Variants in XKR9 observed in about 807,000 individuals in gnomAD.
XKR9 encodes the protein XK-related protein 9.
Under a neutral mutation model 32.0 loss-of-function variants are expected in XKR9, and 32 were observed. The observed-to-expected ratio is 1.00, with a 90% confidence interval of 0.76 to 1.34. The LOEUF (loss-of-function observed/expected upper bound fraction) is 1.34. XKR9 is among the 40% of genes most tolerant of loss of function. The pLI, the probability that XKR9 is intolerant of heterozygous loss-of-function variation, is 0.00. For synonymous variants in XKR9, 168 were observed against 143.4 expected (o/e 1.17, Z -1.22); for missense variants, 546 against 429.7 (o/e 1.27, Z -2.39).
the XKR9 span, among the ~76,000 whole-genome samples, chr8:70,886,512 TAA>T: frequency 6.6e-6 from 1 of 152,256 alleles, no homozygotes; most frequent in African/African-American, 2.4e-5. Flanking sequence ...ACCAACAGTG[TAA>T]AAGAGTTCCT....
At chr8:71,065,269 G>T in the XKR9 span, among the ~76,000 whole-genome samples, 1 of 152,126 alleles carries the variant, frequency 6.6e-6, no homozygotes, top group Non-Finnish European at 1.5e-5. Context: ...GGTTAAGTGA[G>T]GTAAGAGTGG....
the XKR9 span, among the ~76,000 whole-genome samples, chr8:70,867,290 A>G: frequency 2.0e-5 from 3 of 152,084 alleles, no homozygotes; most frequent in African/African-American, 4.8e-5. Flanking sequence ...TAATTAAATT[A>G]CCTCCCACCA....
chr8:70,957,350 T>A, the XKR9 span, among the ~76,000 whole-genome samples: 13 of 152,318 alleles, frequency 8.5e-5, no homozygotes, highest in East Asian at 2.3e-3. Context: ...AGCATGAACT[T>A]CAGAGGCAGT....
At chr8:70,945,911 C>T in the XKR9 span, among the ~76,000 whole-genome samples, 2 of 152,114 alleles carry the variant, frequency 1.3e-5, no homozygotes, top group African/African-American at 4.8e-5. Flanking sequence ...CCGAGGTGGA[C>T]GGATCACGAT....
chr8:70,709,352 A>G (rs1586841760), intron 4 of XKR9, among the ~76,000 whole-genome samples: 1 of 152,312 alleles, frequency 6.6e-6, no homozygotes, highest in Admixed American at 6.5e-5. Context: ...CATACTGAGA[A>G]TGGGCAAAAG....
the XKR9 span, among the ~76,000 whole-genome samples, chr8:70,922,150 C>G: frequency 6.6e-6 from 1 of 152,176 alleles, no homozygotes; most frequent in African/African-American, 2.4e-5. Flanking sequence ...TGAGGAATAA[C>G]CACATCCTAC....
chr8:70,870,805 C>A, the XKR9 span, among the ~76,000 whole-genome samples: 1 of 152,148 alleles, frequency 6.6e-6, no homozygotes, highest in Non-Finnish European at 1.5e-5. Flanking sequence ...AGCTCATATT[C>A]ATTGAAGTGT....
chr8:70,885,400 A>G, the XKR9 span, among the ~76,000 whole-genome samples: 1 of 152,178 alleles, frequency 6.6e-6, no homozygotes, highest in Admixed American at 6.5e-5. Context: ...ATGTCAATAT[A>G]CATTTTTTTA....
At chr8:71,033,101 A>G in the XKR9 span, among the ~76,000 whole-genome samples, 2 of 151,922 alleles carry the variant, frequency 1.3e-5, no homozygotes, top group African/African-American at 2.4e-5. Context: ...AAAAAAATCA[A>G]TAAACACAGG....
intron 2 of XKR9, among the ~76,000 whole-genome samples, chr8:70,774,570 T>C (rs1807494800): frequency 6.6e-6 from 1 of 152,124 alleles, no homozygotes; most frequent in Non-Finnish European, 1.5e-5. Context: ...ATTTGGGGTG[T>C]TCTTTTTGTG....
At chr8:70,909,703 CTTTTT>C in the XKR9 span, among the ~76,000 whole-genome samples, 142 of 91,206 alleles carry the variant, frequency 1.6e-3, 1 homozygote, top group Non-Finnish European at 2.8e-3. Context: ...TCGATTTATC[CTTTTT>C]TTTTTTTTTT....
At chr8:70,883,638 A>T in the XKR9 span, among the ~76,000 whole-genome samples, 1 of 152,180 alleles carries the variant, frequency 6.6e-6, no homozygotes, top group Non-Finnish European at 1.5e-5. Flanking sequence ...ATTATACATT[A>T]TGTAGCCTTT....
the XKR9 span, among the ~76,000 whole-genome samples, chr8:70,948,604 CTT>C: frequency 6.6e-6 from 1 of 152,168 alleles, no homozygotes; most frequent in African/African-American, 2.4e-5. Context: ...AATACCCACT[CTT>C]TGTCTACCGT....
chr8:71,025,528 T>A, the XKR9 span, among the ~76,000 whole-genome samples: 1 of 152,240 alleles, frequency 6.6e-6, no homozygotes, highest in African/African-American at 2.4e-5. Context: ...AAACGCCATT[T>A]AAGCTACTAC....
At chr8:70,760,398 T>A (rs1311627003) in intron 2 of XKR9, among the ~76,000 whole-genome samples, 1 of 152,216 alleles carries the variant, frequency 6.6e-6, no homozygotes, top group Non-Finnish European at 1.5e-5. Flanking sequence ...CACCTTAGAG[T>A]CGTCACACTG....
chr8:71,041,993 A>G, the XKR9 span, among the ~76,000 whole-genome samples: 1 of 152,168 alleles, frequency 6.6e-6, no homozygotes, highest in Non-Finnish European at 1.5e-5. Context: ...AAATATGCCA[A>G]TGAGGAATAA....
At chr8:70,976,337 C>T in the XKR9 span, among the ~76,000 whole-genome samples, 1 of 152,162 alleles carries the variant, frequency 6.6e-6, no homozygotes, top group East Asian at 1.9e-4. Flanking sequence ...AGTTTTTGCC[C>T]ATTCAGTATG....
chr8:70,935,120 T>C, the XKR9 span, among the ~76,000 whole-genome samples: 311 of 128,228 alleles, frequency 2.4e-3, 2 homozygotes, highest in Admixed American at 5.3e-3. Flanking sequence ...TATATATATA[T>C]ACACACACAC....
At chr8:70,986,683 T>A in the XKR9 span, among the ~76,000 whole-genome samples, 2 of 152,172 alleles carry the variant, frequency 1.3e-5, no homozygotes, top group Admixed American at 1.3e-4. Flanking sequence ...AACACTGGGC[T>A]TCATCTGTTC....
Sources: gnomAD v4.1 joint callset for allele counts (sites outside exome capture counted in the v4.1 genomes callset) on GRCh38, gnomAD v4.1.1 for gene constraint, MANE v1.5 for transcripts, NCBI Gene and HGNC (gene_info 2026-07-23, HGNC 2026-07-21) for gene names.